Variants in GTF2IRD1 observed in about 807,000 individuals in gnomAD.
GTF2IRD1 encodes general transcription factor II-I repeat domain-containing protein 1.
GTF2IRD1 carries 26 observed loss-of-function variants against 113.2 expected under a neutral mutation model. The observed-to-expected ratio is 0.23, with a 90% CI of 0.17 to 0.32. The LOEUF (loss-of-function observed/expected upper bound fraction) is 0.32, where lower values mean the gene tolerates loss of function less well. Ranked by LOEUF, GTF2IRD1 falls within the 10% of genes least tolerant of loss-of-function variation. The pLI, the probability that GTF2IRD1 is intolerant of heterozygous loss-of-function variation, is 1.00. For missense variants in GTF2IRD1, 864 were observed against 1,280.8 expected, an observed-to-expected ratio of 0.67 and a Z score of 4.97; for synonymous variants, 484 against 529.1, an observed-to-expected ratio of 0.91 and a Z score of 1.17.
In GTF2IRD1 at chr7:74,555,987, C is replaced by A. The variant is rs1554356728; in HGVS notation, c.2023+493C>A. ...ATCAGAGGCCGAGTGCAGTGGCTCA[C>A]GCCTGTAATCCCAGCACTTTGGGCG... is the stretch of plus-strand genomic sequence containing the variant. On this transcript the variant is annotated intron_variant, in intron 19 of 26. Transcript: ENST00000424337. This position sits in a 1 kb window ranked among gnomAD's most constrained non-coding sequence, Gnocchi z 5.3. 6.6e-6 allele frequency among the ~76,000 whole-genome samples: 1 copy of A among 152,058 alleles called. No homozygotes were observed. The highest frequency in any genetic ancestry group is 2.4e-5 in the African/African-American group (1 of 41,404).
rs1583846116 is a variant in GTF2IRD1 at position 74,544,743 on chromosome 7, G to A, written c.1619-12G>A. On this transcript the variant is annotated splice_polypyrimidine_tract_variant and intron_variant, in intron 14 of 26. Transcript: ENST00000424337. ...TGAATGTGGCTTCCCGGCATCCTCT[G>A]TTCTCTTTTAGACAAAGGTCTGAGT... 3 of 1,613,452 alleles carry A rather than the reference G, an allele frequency of 1.9e-6. No homozygotes were observed. Among genetic ancestry groups the A allele is most frequent in the Non-Finnish European group, 2.5e-6 (3 of 1,179,738 alleles).
chr7:74,477,874 C>T (rs1794515468), intron 1 of GTF2IRD1, among the ~76,000 whole-genome samples: 1 of 152,154 alleles, frequency 6.6e-6, no homozygotes, highest in Non-Finnish European at 1.5e-5. Context: ...GCCTGATGTT[C>T]CTCATCCGTG....
At chr7:74,556,166 C>A (rs587754290) in intron 19 of GTF2IRD1, among the ~76,000 whole-genome samples, 5 of 151,328 alleles carry the variant, frequency 3.3e-5, no homozygotes, top group Non-Finnish European at 5.9e-5. Flanking sequence ...GCGGGAGAAT[C>A]GCTTGAACCT....
At chr7:74,538,807 C>A in intron 13 of GTF2IRD1, 47 bp downstream of exon 13, 2 of 1,003,404 alleles carry the variant, frequency 2.0e-6, no homozygotes, top group African/African-American at 1.6e-5. Context: ...CAGGGCCGGA[C>A]CGTTAGCCTC....
intron 17 of GTF2IRD1, among the ~76,000 whole-genome samples, chr7:74,554,473 G>C (rs1286198514): frequency 6.6e-6 from 1 of 152,216 alleles, no homozygotes; most frequent in African/African-American, 2.4e-5. Context: ...TCAGACGTGA[G>C]CCGTAGATCT....
intron 1 of GTF2IRD1, among the ~76,000 whole-genome samples, chr7:74,468,977 C>T (rs1008993748): frequency 1.4e-4 from 21 of 149,842 alleles, no homozygotes; most frequent in African/African-American, 4.4e-4. Flanking sequence ...CCCAGCTACT[C>T]GGGAGGCTGA....
intron 22 of GTF2IRD1, among the ~76,000 whole-genome samples, chr7:74,571,460 C>G (rs1800691098): frequency 1.3e-5 from 2 of 152,222 alleles, no homozygotes; most frequent in African/African-American, 4.8e-5. Context: ...TACAGCCCCA[C>G]TGGTCGGGGC....
At chr7:74,557,789 C>G in intron 20 of GTF2IRD1, 67 bp downstream of exon 20, 9 of 965,210 alleles carry the variant, frequency 9.3e-6, no homozygotes, top group Non-Finnish European at 3.3e-6. Flanking sequence ...GGAGGCTTCC[C>G]AGTTCCAGCC....
intron 22 of GTF2IRD1, among the ~76,000 whole-genome samples, chr7:74,575,065 G>C (rs1800950256): frequency 6.6e-6 from 1 of 151,302 alleles, no homozygotes; most frequent in African/African-American, 2.4e-5. Flanking sequence ...GCTCCAGCTT[G>C]GGCAACAAGA....
At chr7:74,560,547 TAAAAATATTATATATATAATA>T (rs1583888591) in intron 22 of GTF2IRD1, among the ~76,000 whole-genome samples, 3 of 147,020 alleles carry the variant, frequency 2.0e-5, no homozygotes, top group East Asian at 1.9e-4. Flanking sequence ...TATATATAAT[TAAAAATATTATATATATAATA>T]AAAAATATTA....
intron 8 of GTF2IRD1, 68 bp from the exon 9 acceptor site, chr7:74,529,666 A>AGCTCCCGGGTCCTGTGTG: frequency 7.1e-7 from 1 of 1,403,262 alleles, no homozygotes; most frequent in East Asian, 2.4e-5. Context: ...TGGGGACCGC[A>AGCTCCCGGGTCCTGTGTG]GCTCCCGGGT....
intron 22 of GTF2IRD1, among the ~76,000 whole-genome samples, chr7:74,561,702 T>C (rs1443458890): frequency 6.6e-6 from 1 of 152,048 alleles, no homozygotes; most frequent in African/African-American, 2.4e-5. Context: ...GAGAGGTCAC[T>C]GGGTTTCTGG....
At chr7:74,527,958 G>A (rs1338537287) in intron 8 of GTF2IRD1, among the ~76,000 whole-genome samples, 2 of 152,202 alleles carry the variant, frequency 1.3e-5, no homozygotes, top group Admixed American at 6.5e-5. Flanking sequence ...GCATGAGCCT[G>A]GATTCTGTCT....
chr7:74,581,325 A>G (rs1441003004), intron 22 of GTF2IRD1, among the ~76,000 whole-genome samples: 1 of 152,152 alleles, frequency 6.6e-6, no homozygotes, highest in Non-Finnish European at 1.5e-5. Context: ...TGCCCGGCCC[A>G]TTGCTGCTTT....
At chr7:74,558,406 C>CTGGAGTACA (rs1179565495) in intron 20 of GTF2IRD1, among the ~76,000 whole-genome samples, 4 of 110,776 alleles carry the variant, frequency 3.6e-5, no homozygotes, top group Non-Finnish European at 6.6e-5. Context: ...GTCACCCATG[C>CTGGAGTACA]TGGAGTACAG....
intron 26 of GTF2IRD1, chr7:74,601,459 G>A (rs191765174): frequency 3.9e-5 from 56 of 1,445,158 alleles, no homozygotes; most frequent in South Asian, 1.6e-4. Flanking sequence ...CCCTTCAGCC[G>A]CACCAGAGCT....
At chr7:74,558,347 CTTTTTTTTTTTTTTTTTTTT>C in intron 20 of GTF2IRD1, among the ~76,000 whole-genome samples, 1 of 60,460 alleles carries the variant, frequency 1.7e-5, no homozygotes, top group South Asian at 6.7e-4. Context: ...TCTTTCGTTT[CTTTTTTTTTTTTTTTTTTTT>C]TTTTTTTTTT....
chr7:74,542,622 A>G (rs1366779413), intron 14 of GTF2IRD1, among the ~76,000 whole-genome samples: 1 of 152,214 alleles, frequency 6.6e-6, no homozygotes, highest in Non-Finnish European at 1.5e-5. Flanking sequence ...ATGAAGAAAA[A>G]AATATGATTT....
chr7:74,572,544 T>C (rs1800755905), intron 22 of GTF2IRD1: 4 of 979,028 alleles, frequency 4.1e-6, no homozygotes, highest in Non-Finnish European at 4.9e-6. Context: ...CTCCATTTCT[T>C]TGACGTGATA....
Sources: allele counts gnomAD v4.1 joint callset (sites outside exome capture counted in the v4.1 genomes callset), GRCh38; gene constraint gnomAD v4.1.1; non-coding constraint Gnocchi (gnomAD v3.1); transcripts MANE v1.5; gene names NCBI Gene and HGNC (gene_info 2026-07-23, HGNC 2026-07-21).